Variants in PHKA2 observed in about 807,000 individuals in gnomAD.
PHKA2 encodes the protein phosphorylase kinase regulatory subunit alpha 2.
PHKA2 carries 31 observed loss-of-function variants against 102.0 expected under a neutral mutation model. The observed-to-expected ratio is 0.30, with a 90% CI of 0.23 to 0.41. PHKA2 has a LOEUF of 0.41. Among genes scored for constraint, PHKA2 ranks in the 10% least tolerant of loss-of-function variants. The pLI is 1.00. For missense variants in PHKA2, 858 were observed against 1,023.1 expected (o/e 0.84, Z 2.20); for synonymous variants, 455 against 416.2 (o/e 1.09, Z -1.13).
At chrX:18,969,400 C>T (rs778880305) in intron 1 of PHKA2, among the ~76,000 whole-genome samples, 132 of 111,484 alleles carry the variant, frequency 1.2e-3, no homozygotes, top group Non-Finnish European at 2.1e-3. Flanking sequence ...CGGTGTGCAG[C>T]GGAAGTGCTT....
chrX:18,906,260 G>A (rs754228611), intron 25 of PHKA2, among the ~76,000 whole-genome samples: 2 of 112,232 alleles, frequency 1.8e-5, no homozygotes, highest in Non-Finnish European at 3.8e-5. Flanking sequence ...CGCCTTTGAG[G>A]CTATAATGGT....
chrX:18,893,350 CA>C lies in PHKA2; in HGVS notation c.*134del, dbSNP rs1199745353. 1 of 630,882 alleles carries C rather than the reference CA, an allele frequency of 1.6e-6. No individual in the cohort carries two copies. Among genetic ancestry groups the C allele is most frequent in the Non-Finnish European group, 2.6e-6 (1 of 382,612 alleles). The allele number at this position is 630,882 out of a possible 1,213,427, so 52.0% of individuals were successfully genotyped here. On this transcript the variant is annotated 3_prime_UTR_variant, in exon 33 of 33. Coordinates refer to ENST00000379942, the MANE Select transcript of PHKA2 (RefSeq NM_000292.3). ...ACATCAGTTTCAGGGTGAGTGCTAC[CA>C]TTGCCCCCCGAGAGTGTTTCTGATG...
chrX:18,950,324 G>T (rs2048659657), intron 4 of PHKA2, among the ~76,000 whole-genome samples: 1 of 112,277 alleles, frequency 8.9e-6, no homozygotes, highest in Non-Finnish European at 1.9e-5. Flanking sequence ...GAGCTGAAAG[G>T]ACAGGGCTGC....
At chrX:18,974,765 C>T (rs1031807671) in intron 1 of PHKA2, among the ~76,000 whole-genome samples, 1 of 110,849 alleles carries the variant, frequency 9.0e-6, no homozygotes, top group Non-Finnish European at 1.9e-5. Flanking sequence ...GGACCCTAAC[C>T]CTTATGACCT....
chrX:18,914,611 A>G (rs2047988718), intron 19 of PHKA2, among the ~76,000 whole-genome samples: 1 of 111,922 alleles, frequency 8.9e-6, no homozygotes, highest in African/African-American at 3.3e-5. Flanking sequence ...CAGCTTGATG[A>G]CCACCTCACT....
At chrX:18,906,714 C>T (rs2047820713) in intron 24 of PHKA2, 22 bp downstream of exon 24, 5 of 1,199,348 alleles carry the variant, frequency 4.2e-6, no homozygotes, top group Non-Finnish European at 5.7e-6. Flanking sequence ...GTGGCCCGAC[C>T]CCTCCCACAC....
At chrX:18,941,792 A>C in intron 7 of PHKA2, 117 bp from the exon 8 acceptor site, 3 of 554,851 alleles carry the variant, frequency 5.4e-6, no homozygotes, top group Admixed American at 4.8e-5. Flanking sequence ...TTTTGAGTAG[A>C]GCTTTGTCCT....
At position 18,945,445 on chromosome X, in the gene PHKA2, T is replaced by C. The variant is rs762307036; in HGVS notation, c.538-287A>G. The stretch of plus-strand genomic sequence containing the variant: ...TCATTTGTAAGAAACTCTGGATGTA[T>C]GGAGAACAAAATATTTTATCTTCTT... On this transcript the variant is annotated intron_variant, in intron 5 of 32. Transcript: ENST00000379942. 5.3e-5 allele frequency among the ~76,000 whole-genome samples: 6 copies of C among 112,483 alleles called. No individual in the cohort carries two copies. The South Asian group carries it at 2.2e-3, about 42-fold the overall frequency.
At chrX:18,948,220 T>C (rs1472232222) in intron 5 of PHKA2, among the ~76,000 whole-genome samples, 1 of 112,113 alleles carries the variant, frequency 8.9e-6, no homozygotes, top group African/African-American at 3.2e-5. Flanking sequence ...ACGCCTATAA[T>C]CCCAGCACTT....
chrX:18,908,965 A>G, intron 20 of PHKA2, 31 bp from the exon 21 acceptor site: 1 of 1,209,758 alleles, frequency 8.3e-7, no homozygotes, highest in Non-Finnish European at 1.1e-6. Flanking sequence ...AAGCAGGGAG[A>G]TGGGCTAGGC....
intron 11 of PHKA2, among the ~76,000 whole-genome samples, chrX:18,933,928 G>T (rs926746020): frequency 2.7e-5 from 3 of 112,280 alleles, no homozygotes; most frequent in African/African-American, 9.7e-5. Flanking sequence ...AGAAAGAAAA[G>T]CGTAGCTCTT....
Position 18,893,211 on chromosome X carries a change from T to TGAGA in PHKA2, c.*270_*273dup. On this transcript the variant is annotated 3_prime_UTR_variant, in exon 33 of 33. Coordinates refer to ENST00000379942, the MANE Select transcript of PHKA2 (RefSeq NM_000292.3). ...ATTTCCAATTCCTCCTCAGAGTCCG[T>TGAGA]GAGACCAGATGCTACAGCAAATGTT... is the stretch of plus-strand genomic sequence containing the variant. The TGAGA allele has an allele frequency of 2.5e-6, 1 of 399,817 alleles. No individual in the cohort carries two copies. The highest frequency in any genetic ancestry group is 4.4e-6 in the Non-Finnish European group (1 of 226,575). 32.9% of individuals were successfully genotyped at this position (399,817 alleles called of 1,213,427 possible).
chrX:18,904,991 G>A lies in PHKA2; in HGVS notation c.2908+767C>T, dbSNP rs186526507. ...CGGTTCAGATAAAAACAGAGTGAGCGAGGCAGGACAAAGCAAAATAAGTTA... is the reference window on the plus strand; with the variant it reads ...CGGTTCAGATAAAAACAGAGTGAGCAAGGCAGGACAAAGCAAAATAAGTTA... On this transcript the variant is annotated intron_variant, in intron 26 of 32. Transcript: ENST00000379942. Among the ~76,000 whole-genome samples the A allele has an allele frequency of 1.3e-3, 150 of 111,579 alleles. 1 individual carries two copies. Among genetic ancestry groups the A allele is most frequent in the Non-Finnish European group, 2.3e-3 (124 of 53,103 alleles).
At chrX:18,893,715 T>C (rs911005444) in intron 32 of PHKA2, 60 bp from the exon 33 acceptor site, 17 of 1,063,505 alleles carry the variant, frequency 1.6e-5, no homozygotes, top group Non-Finnish European at 2.2e-5. Flanking sequence ...GTCACGCTTC[T>C]GCGTGGTGGT....
At chrX:18,926,631 T>G (rs1301966947) in intron 13 of PHKA2, 44 bp from the exon 14 acceptor site, 1 of 1,163,140 alleles carries the variant, frequency 8.6e-7, no homozygotes, top group Non-Finnish European at 1.2e-6. Flanking sequence ...ATGACTCTTG[T>G]CTCTTCACAT....
At chrX:18,900,881 G>A (rs757696999) in intron 27 of PHKA2, among the ~76,000 whole-genome samples, 182 bp from the exon 28 acceptor site, 4 of 111,231 alleles carry the variant, frequency 3.6e-5, no homozygotes, top group East Asian at 2.8e-4. Context: ...CAGAAAATTC[G>A]AGTGCATTTC....
intron 19 of PHKA2, among the ~76,000 whole-genome samples, chrX:18,912,817 G>A (rs753132574): frequency 2.4e-4 from 27 of 111,093 alleles, no homozygotes; most frequent in Admixed American, 2.1e-3. Flanking sequence ...AGGCTGAGGC[G>A]GGAGAATCGC....
chrX:18,895,677 T>G (rs1382230653), intron 30 of PHKA2: 2 of 124,308 alleles, frequency 1.6e-5, no homozygotes, highest in Non-Finnish European at 3.3e-5. Flanking sequence ...AAATATCGAG[T>G]GCCAGCTCAA....
intron 1 of PHKA2, among the ~76,000 whole-genome samples, chrX:18,957,632 C>A (rs1406446632): frequency 9.2e-6 from 1 of 108,874 alleles, no homozygotes; most frequent in Non-Finnish European, 1.9e-5. Context: ...GTCTTTCTTC[C>A]TTCTCTTTTT....
Sources: gnomAD v4.1 joint callset for allele counts (sites outside exome capture counted in the v4.1 genomes callset) on GRCh38, gnomAD v4.1.1 for gene constraint, MANE v1.5 for transcripts, NCBI Gene and HGNC (gene_info 2026-07-23, HGNC 2026-07-21) for gene names.